The following KIRREL3 variants were observed in gnomAD, a reference collection of about 807,000 sequenced individuals.
KIRREL3 encodes kirre like nephrin family adhesion molecule 3.
In KIRREL3, 36 loss-of-function variants were observed where a neutral mutation model predicts 89.7. The observed-to-expected ratio is 0.40, with a 90% CI of 0.31 to 0.53. The LOEUF (loss-of-function observed/expected upper bound fraction) is 0.53, where lower values mean the gene tolerates loss of function less well. Ranked by LOEUF, KIRREL3 falls within the 20% of genes least tolerant of loss-of-function variation. The probability of loss-of-function intolerance (pLI) is 0.49; values close to 1 mark genes in which losing one functional copy is unlikely to be tolerated. For missense variants in KIRREL3, 864 were observed against 1,056.6 expected, an observed-to-expected ratio of 0.82 and a Z score of 2.53; for synonymous variants, 445 against 441.4, an observed-to-expected ratio of 1.01 and a Z score of -0.10.
chr11:126,852,509 G>A (rs1415877497), intron 1 of KIRREL3, among the ~76,000 whole-genome samples: 2 of 152,132 alleles, frequency 1.3e-5, no homozygotes, highest in African/African-American at 2.4e-5. Flanking sequence ...TACCAACTAT[G>A]TGCCATATAT....
intron 2 of KIRREL3, among the ~76,000 whole-genome samples, chr11:126,538,002 T>A (rs1938048082): frequency 6.6e-6 from 1 of 152,078 alleles, no homozygotes; most frequent in Non-Finnish European, 1.5e-5. Context: ...TGGCTCTGCC[T>A]CTTTCTTGAG....
chr11:126,450,348 T>A lies in KIRREL3; in HGVS notation c.849-1191A>T, dbSNP rs187854278. Reference sequence around the variant, plus strand: ...GCATGTGTGAGCGTGGGCATGTGTGTCCATGTGCATGTGTGCATGTGTGAG... The same window carrying A: ...GCATGTGTGAGCGTGGGCATGTGTGACCATGTGCATGTGTGCATGTGTGAG... On this transcript the variant is annotated intron_variant, in intron 7 of 16. Coordinates refer to ENST00000525144, the MANE Select transcript of KIRREL3 (RefSeq NM_032531.4). 6.2e-3 allele frequency among the ~76,000 whole-genome samples: 926 copies of A among 149,854 alleles called. 2 individuals are homozygous for A. Among genetic ancestry groups the A allele is most frequent in the Non-Finnish European group, 0.011 (747 of 67,386 alleles).
chr11:126,559,036 G>T (rs1391856215), intron 2 of KIRREL3, among the ~76,000 whole-genome samples: 1 of 152,102 alleles, frequency 6.6e-6, no homozygotes, highest in African/African-American at 2.4e-5. Context: ...CAGTAGGTGG[G>T]GTGAGGAAGG....
chr11:126,586,527 C>T (rs1941866568), intron 1 of KIRREL3, among the ~76,000 whole-genome samples: 1 of 151,970 alleles, frequency 6.6e-6, no homozygotes, highest in African/African-American at 2.4e-5. Flanking sequence ...CAGTTAGAGG[C>T]ATCGGTGTTG....
At chr11:126,831,744 C>A (rs1269684721) in intron 1 of KIRREL3, among the ~76,000 whole-genome samples, 1 of 151,920 alleles carries the variant, frequency 6.6e-6, no homozygotes, top group Non-Finnish European at 1.5e-5. Context: ...ATAGTATTTC[C>A]TGAGGGGATC....
In KIRREL3 at chr11:126,748,042, C is replaced by T. The variant is rs779603195; in HGVS notation, c.56-185130G>A. Among the ~76,000 whole-genome samples, 6 of 152,182 alleles carry T rather than the reference C, an allele frequency of 3.9e-5. No homozygotes were observed. The highest frequency in any genetic ancestry group is 5.9e-5 in the Non-Finnish European group (4 of 68,038). ...GGGCTCTTCCATTAATAATTGCCTCCCTAGTGACTGATTTATCTGCTCCTT... is the reference window on the plus strand; with the variant it reads ...GGGCTCTTCCATTAATAATTGCCTCTCTAGTGACTGATTTATCTGCTCCTT... On this transcript the variant is annotated intron_variant, in intron 1 of 16. Coordinates refer to ENST00000525144, the MANE Select transcript of KIRREL3 (RefSeq NM_032531.4). This position sits in a 1 kb window ranked among gnomAD's most constrained non-coding sequence, Gnocchi z 4.6.
At position 126,572,583 on chromosome 11, in the gene KIRREL3, G is replaced by C. The variant is rs9645671; in HGVS notation, c.56-9671C>G. 9.4e-3 allele frequency among the ~76,000 whole-genome samples: 897 copies of C among 95,538 alleles called. 8 individuals are homozygous for C. The highest frequency in any genetic ancestry group is 0.044 in the African/African-American group (858 of 19,300). The allele number at this position is 95,538 out of a possible 152,430, so 62.7% of individuals were successfully genotyped here. A position where few individuals can be genotyped will look rare whatever the true frequency, so the allele number is the denominator to read the frequency against. ...AGTGGGAAGAGGGGACCCCCCCCCCGCCAAGCAGGTGCTGCTGATGGAGTC... is the reference window on the plus strand; with the variant it reads ...AGTGGGAAGAGGGGACCCCCCCCCCCCCAAGCAGGTGCTGCTGATGGAGTC... On this transcript the variant is annotated intron_variant, in intron 1 of 16. Transcript: ENST00000525144.
At chr11:126,629,041 T>C (rs936519601) in intron 1 of KIRREL3, among the ~76,000 whole-genome samples, 4 of 152,250 alleles carry the variant, frequency 2.6e-5, no homozygotes, top group Admixed American at 1.3e-4. Context: ...AAAATGCTTG[T>C]CTTTTTAGTT....
intron 6 of KIRREL3, among the ~76,000 whole-genome samples, chr11:126,461,461 C>G (rs966203986): frequency 2.6e-5 from 4 of 152,106 alleles, no homozygotes; most frequent in African/African-American, 9.7e-5. Context: ...GCGGCCCTGG[C>G]TGCTTGTGAA....
In KIRREL3 at chr11:126,883,457, C is replaced by T. The variant is rs1379124094; in HGVS notation, c.55+116998G>A. 6.6e-6 allele frequency among the ~76,000 whole-genome samples: 1 copy of T among 152,140 alleles called. No homozygotes were observed. Among genetic ancestry groups the T allele is most frequent in the Non-Finnish European group, 1.5e-5 (1 of 68,036 alleles). On this transcript the variant is annotated intron_variant, in intron 1 of 16. Transcript: ENST00000525144. This position sits in a 1 kb window ranked among gnomAD's most constrained non-coding sequence, Gnocchi z 4.1. ...TTGCATTACTTCCAAAGGTCATGGT[C>T]ACCGTCACAATTTCCATGACCTTAC...
rs2134293000 is a variant in KIRREL3 at position 126,476,240 on chromosome 11, C to T, written c.434-2774G>A. ...GGCCACACCCTGAGCAGCCAAGTCC[C>T]AGTCTCTGGAGGGGACCCCAGGCAT... is the stretch of plus-strand genomic sequence containing the variant. On this transcript the variant is annotated intron_variant, in intron 4 of 16. Transcript: ENST00000525144. The surrounding 1 kb of genome is among the most constrained non-coding windows in gnomAD (Gnocchi z 6.4). Among the ~76,000 whole-genome samples, 1 of 152,318 alleles carries T rather than the reference C, an allele frequency of 6.6e-6. No homozygotes were observed. The highest frequency in any genetic ancestry group is 2.1e-4 in the South Asian group (1 of 4,828).
intron 13 of KIRREL3, 124 bp downstream of exon 13, chr11:126,435,144 G>C (rs986089314): frequency 2.0e-6 from 2 of 1,005,038 alleles, no homozygotes; most frequent in African/African-American, 1.6e-5. Flanking sequence ...CCCTCAGGAC[G>C]GGGGAGGGCG....
intron 1 of KIRREL3, among the ~76,000 whole-genome samples, chr11:126,984,752 C>T (rs1949812907): frequency 6.6e-6 from 1 of 152,156 alleles, no homozygotes; most frequent in Non-Finnish European, 1.5e-5. Flanking sequence ...ATGAAGTATT[C>T]ACTCCACCAA....
Position 126,430,349 on chromosome 11 carries a change from G to A in KIRREL3, c.1697-1061C>T, listed in dbSNP as rs1480399641. Among the ~76,000 whole-genome samples the A allele has an allele frequency of 2.0e-5, 3 of 152,148 alleles. No homozygotes were observed. Among genetic ancestry groups the A allele is most frequent in the Non-Finnish European group, 4.4e-5 (3 of 68,018 alleles). ...AATCCCAGCGACTCAGGAGGCTTAG[G>A]CACGAGAATCGCTTGAACCTGGGAG... is the stretch of plus-strand genomic sequence containing the variant. On this transcript the variant is annotated intron_variant, in intron 14 of 16. Transcript: ENST00000525144. The surrounding 1 kb of genome is among the most constrained non-coding windows in gnomAD (Gnocchi z 6.6).
rs1478065796 is a variant in KIRREL3, at chr11:126,860,341, G to A, written c.55+140114C>T. On this transcript the variant is annotated intron_variant, in intron 1 of 16. Coordinates refer to ENST00000525144, the MANE Select transcript of KIRREL3 (RefSeq NM_032531.4). The surrounding 1 kb of genome is among the most constrained non-coding windows in gnomAD (Gnocchi z 4.6). ...ATAAAGGCGTGGGCAATGGGTCTGG[G>A]AGCACAGAGAAGGTTGCCTTTATTT... 6.6e-6 allele frequency among the ~76,000 whole-genome samples: 1 copy of A among 152,178 alleles called. No homozygotes were observed. The highest frequency in any genetic ancestry group is 1.9e-4 in the East Asian group (1 of 5,194).
At chr11:126,593,959 C>T (rs1049134865) in intron 1 of KIRREL3, among the ~76,000 whole-genome samples, 1 of 152,172 alleles carries the variant, frequency 6.6e-6, no homozygotes, top group African/African-American at 2.4e-5. Flanking sequence ...GTACTCTGCT[C>T]AGTGGTGGAT....
rs1205755075 is a variant in KIRREL3 at position 126,455,302 on chromosome 11, T to C, written c.848+1047A>G. On this transcript the variant is annotated intron_variant, in intron 7 of 16. Coordinates refer to ENST00000525144, the MANE Select transcript of KIRREL3 (RefSeq NM_032531.4). The surrounding 1 kb of genome is among the most constrained non-coding windows in gnomAD (Gnocchi z 6.4). ...TCCAAGGTCACTTAGTCTCCTAGAG[T>C]CTTGTGCAGTGACAGTGCCCAGGCA... Among the ~76,000 whole-genome samples, 1 of 152,036 alleles carries C rather than the reference T, an allele frequency of 6.6e-6. No individual in the cohort carries two copies. The highest frequency in any genetic ancestry group is 2.4e-5 in the African/African-American group (1 of 41,370).
Position 126,476,956 on chromosome 11 carries a change from C to T in KIRREL3, c.434-3490G>A, listed in dbSNP as rs1437841229. 2.0e-5 allele frequency among the ~76,000 whole-genome samples: 3 copies of T among 152,220 alleles called. No individual in the cohort carries two copies. The highest frequency in any genetic ancestry group is 2.0e-4 in the Admixed American group (3 of 15,284). The stretch of plus-strand genomic sequence containing the variant: ...TCACAAGGAAGGTGGAGGCGTTAGC[C>T]TTTTCGTGATTAATCCGGAGATAAA... On this transcript the variant is annotated intron_variant, in intron 4 of 16. Coordinates refer to ENST00000525144, the MANE Select transcript of KIRREL3 (RefSeq NM_032531.4). The surrounding 1 kb of genome is among the most constrained non-coding windows in gnomAD (Gnocchi z 6.4).
intron 1 of KIRREL3, among the ~76,000 whole-genome samples, chr11:126,916,838 G>T (rs1267322704): frequency 6.6e-6 from 1 of 152,156 alleles, no homozygotes; most frequent in East Asian, 1.9e-4. Context: ...GGGGTTAGAA[G>T]GGTGATGTGC....
Sources: allele counts gnomAD v4.1 joint callset (sites outside exome capture counted in the v4.1 genomes callset), GRCh38; gene constraint gnomAD v4.1.1; non-coding constraint Gnocchi (gnomAD v3.1); transcripts MANE v1.5; gene names NCBI Gene and HGNC (gene_info 2026-07-23, HGNC 2026-07-21).